Variants in PLEKHA5 observed in about 807,000 individuals in gnomAD.
PLEKHA5 encodes the protein pleckstrin homology domain containing A5.
PLEKHA5 carries 55 observed loss-of-function variants against 181.9 expected under a neutral mutation model. The ratio of observed to expected loss-of-function variants is 0.30; its 90% CI spans 0.24 to 0.38. PLEKHA5 has a LOEUF of 0.38. PLEKHA5 is among the 10% of genes least tolerant of loss of function. The pLI is 1.00. For synonymous variants in PLEKHA5, 535 were observed against 529.4 expected (o/e 1.01, Z -0.15); for missense variants, 1,432 against 1,549.5 (o/e 0.92, Z 1.27).
intron 15 of PLEKHA5, chr12:19,307,027 C>A: frequency 6.7e-7 from 1 of 1,485,424 alleles, no homozygotes; most frequent in Non-Finnish European, 9.4e-7. Context: ...TGTTCCTGCC[C>A]TTGCTGCGCT....
rs2077475287 is a variant in PLEKHA5 at position 19,287,475 on chromosome 12, T to C, written c.1782T>C (p.His594=). 1 of 1,602,260 alleles carries C rather than the reference T, an allele frequency of 6.2e-7. No individual in the cohort carries two copies. Among genetic ancestry groups the C allele is most frequent in the Non-Finnish European group, 8.5e-7 (1 of 1,171,614 alleles). ...DRRHRAHHPK[H]VYVPDRRSVP... is the part of the protein sequence containing the mutation. The stretch of plus-strand genomic sequence containing the variant: ...ACATTGTGCCTTTACTTTCCTAGCA[T>C]GTCTATGTGCCTGACAGAAGGTCAG... Residue 594 remains histidine (H), a splice_region_variant and synonymous_variant, in exon 13 of 32, where the codon CAT becomes CAC. Transcript: ENST00000429027.
intron 3 of PLEKHA5, among the ~76,000 whole-genome samples, chr12:19,161,137 A>C (rs1367583050): frequency 4.6e-5 from 7 of 152,208 alleles, no homozygotes; most frequent in Admixed American, 4.6e-4. Context: ...AAATATTCAG[A>C]TCATTCTCTG....
At chr12:19,298,407 G>C (rs1463050607) in intron 15 of PLEKHA5, among the ~76,000 whole-genome samples, 2 of 127,132 alleles carry the variant, frequency 1.6e-5, no homozygotes, top group African/African-American at 6.2e-5. Context: ...TATTTTTTTA[G>C]CTTTTTTTTT....
intron 15 of PLEKHA5, among the ~76,000 whole-genome samples, chr12:19,300,258 A>G (rs1843267821): frequency 6.6e-6 from 1 of 152,088 alleles, no homozygotes; most frequent in Admixed American, 6.6e-5. Context: ...ACTTCTTTCA[A>G]AGTTAATGGA....
chr12:19,280,752 A>G (rs1047769696), intron 11 of PLEKHA5, among the ~76,000 whole-genome samples: 1 of 149,178 alleles, frequency 6.7e-6, no homozygotes, highest in African/African-American at 2.5e-5. Context: ...TTTTTTTGAG[A>G]CAGAGTGTCT....
At chr12:19,173,270 G>A (rs554922428) in intron 3 of PLEKHA5, among the ~76,000 whole-genome samples, 26 of 151,488 alleles carry the variant, frequency 1.7e-4, no homozygotes, top group Admixed American at 5.9e-4. Context: ...TGATCCACCC[G>A]CCTCGGCCTC....
chr12:19,346,921 C>A, intron 23 of PLEKHA5, 73 bp from the exon 24 acceptor site: 1 of 928,870 alleles, frequency 1.1e-6, no homozygotes, highest in Non-Finnish European at 1.5e-6. Context: ...AGTTAATATA[C>A]CATTGCAAAG....
intron 15 of PLEKHA5, among the ~76,000 whole-genome samples, chr12:19,300,369 C>T (rs2081135984): frequency 6.6e-6 from 1 of 152,132 alleles, no homozygotes; most frequent in Non-Finnish European, 1.5e-5. Flanking sequence ...CAAAATGTCC[C>T]TACCTATTCT....
chr12:19,337,516 T>C (rs1294264750), intron 21 of PLEKHA5, among the ~76,000 whole-genome samples: 1 of 127,108 alleles, frequency 7.9e-6, no homozygotes, highest in African/African-American at 3.1e-5. Flanking sequence ...ACCACTGTAC[T>C]CCAGCCTGAG....
chr12:19,159,434 A>G (rs969922398), intron 3 of PLEKHA5, among the ~76,000 whole-genome samples: 1 of 152,150 alleles, frequency 6.6e-6, no homozygotes, highest in Admixed American at 6.5e-5. Flanking sequence ...ACATTTTCAT[A>G]TAGTTTACCC....
At chr12:19,339,478 A>G (rs2093697122) in intron 21 of PLEKHA5, among the ~76,000 whole-genome samples, 1 of 152,212 alleles carries the variant, frequency 6.6e-6, no homozygotes, top group African/African-American at 2.4e-5. Context: ...TAACCTTATT[A>G]CAGGATATAA....
At chr12:19,341,994 A>G (rs535665882) in intron 21 of PLEKHA5, among the ~76,000 whole-genome samples, 1 of 152,104 alleles carries the variant, frequency 6.6e-6, no homozygotes, top group African/African-American at 2.4e-5. Flanking sequence ...CAGCCTCCCA[A>G]AGTGCTGGGA....
At chr12:19,343,220 C>A in intron 21 of PLEKHA5, 103 bp from the exon 22 acceptor site, 1 of 619,026 alleles carries the variant, frequency 1.6e-6, no homozygotes, top group Admixed American at 3.1e-5. Flanking sequence ...TAATTCACTG[C>A]AATTTGCATT....
chr12:19,284,456 C>T (rs778808766), intron 12 of PLEKHA5, among the ~76,000 whole-genome samples: 3 of 152,146 alleles, frequency 2.0e-5, no homozygotes, highest in Middle Eastern at 3.2e-3. Flanking sequence ...TTGTATCAAG[C>T]TCATCCTGTT....
Position 19,336,574 on chromosome 12 carries a change from G to A in PLEKHA5, c.2508G>A (p.Arg836=), listed in dbSNP as rs1202775962. The change falls in exon 21 of 32, where the codon AGG becomes AGA. Residue 836 remains arginine (R), a synonymous_variant. Coordinates refer to ENST00000429027, the MANE Select transcript of PLEKHA5 (RefSeq NM_001256470.2). ...TAGAATACGATGTAACTGTTACCAG[G>A]AACCAGATGCAAGAGCAGCTGGATC... ...DKLEYDVTVT[R]NQMQEQLDHL... is the part of the protein sequence containing the mutation. 1 of 1,609,042 alleles carries A rather than the reference G, an allele frequency of 6.2e-7. No homozygotes were observed. Among genetic ancestry groups the A allele is most frequent in the South Asian group, 1.1e-5 (1 of 90,680 alleles).
chr12:19,260,614 C>G (rs965495092), intron 6 of PLEKHA5, among the ~76,000 whole-genome samples: 4 of 152,006 alleles, frequency 2.6e-5, no homozygotes, highest in Non-Finnish European at 4.4e-5. Flanking sequence ...CCCAGCACTT[C>G]GGAAGGCCAA....
rs559426402 is a variant in PLEKHA5, at chr12:19,316,037, G to A, written c.2118+1143G>A. Among the ~76,000 whole-genome samples the A allele has an allele frequency of 2.0e-3, 301 of 151,938 alleles. 6 individuals carry two copies. Among genetic ancestry groups the A allele is most frequent in the Non-Finnish European group, 6.6e-4 (45 of 67,918 alleles). The stretch of plus-strand genomic sequence containing the variant: ...AAAATGGAATCTTTCAATTCTTAAA[G>A]TCACCAGATTATAGACCTTGGTACT... On this transcript the variant is annotated intron_variant, in intron 16 of 31. Coordinates refer to ENST00000429027, the MANE Select transcript of PLEKHA5 (RefSeq NM_001256470.2).
At chr12:19,271,453 G>C in intron 10 of PLEKHA5, among the ~76,000 whole-genome samples, 1 of 152,100 alleles carries the variant, frequency 6.6e-6, no homozygotes, top group East Asian at 1.9e-4. Flanking sequence ...GCTGTGAGCT[G>C]TGACTGTGCC....
chr12:19,291,469 G>A (rs534149393), intron 14 of PLEKHA5, among the ~76,000 whole-genome samples, 175 bp from the exon 15 acceptor site: 3 of 152,252 alleles, frequency 2.0e-5, no homozygotes, highest in South Asian at 2.1e-4. Flanking sequence ...ATATAATTTT[G>A]TAATTTAATA....
Sources: gnomAD v4.1 joint callset for allele counts (sites outside exome capture counted in the v4.1 genomes callset) on GRCh38, gnomAD v4.1.1 for gene constraint, MANE v1.5 for transcripts, NCBI Gene and HGNC (gene_info 2026-07-23, HGNC 2026-07-21) for gene names.